The following MMP26 variants were observed in gnomAD, a reference collection of about 807,000 sequenced individuals.
MMP26 encodes matrix metalloproteinase-26.
Under a neutral mutation model 31.0 loss-of-function variants are expected in MMP26, and 33 were observed. That is an observed-to-expected ratio of 1.06 (90% confidence interval 0.81 to 1.42). MMP26 has a LOEUF of 1.42. Among genes scored for constraint, MMP26 ranks in the 40% most tolerant of loss-of-function variants. MMP26 has a pLI of 0.00. For synonymous variants in MMP26, 122 were observed against 114.9 expected (o/e 1.06, Z -0.40); for missense variants, 347 against 316.1 (o/e 1.10, Z -0.74).
intron 2 of MMP26, chr11:4,848,443 G>A (rs1395217084): frequency 1.9e-6 from 3 of 1,613,820 alleles, no homozygotes; most frequent in African/African-American, 1.3e-5. Context: ...TAGAAGAGGA[G>A]CACTGCAGAG....
intron 1 of MMP26, among the ~76,000 whole-genome samples, chr11:4,707,722 C>A (rs1221286202): frequency 6.6e-6 from 1 of 152,190 alleles, no homozygotes; most frequent in Non-Finnish European, 1.5e-5. Flanking sequence ...GAGGGGGCCA[C>A]ATATCGGGAA....
chr11:4,733,224 A>T (rs972664977), intron 1 of MMP26, among the ~76,000 whole-genome samples: 16 of 152,214 alleles, frequency 1.1e-4, no homozygotes, highest in Non-Finnish European at 1.3e-4. Context: ...ATTACATTAC[A>T]TTTGTAGACC....
intron 2 of MMP26, chr11:4,946,432 G>T: frequency 5.0e-6 from 8 of 1,609,944 alleles, no homozygotes; most frequent in Non-Finnish European, 6.8e-6. Flanking sequence ...GTACAGTCTT[G>T]AGGATCAGGG....
At chr11:4,822,061 C>A in intron 2 of MMP26, 1 of 1,613,700 alleles carries the variant, frequency 6.2e-7, no homozygotes, top group African/African-American at 1.3e-5. Flanking sequence ...GTTTGACTGC[C>A]CTTGCATCCT....
intron 2 of MMP26, among the ~76,000 whole-genome samples, chr11:4,911,712 T>G (rs1433143214): frequency 6.6e-6 from 1 of 152,178 alleles, no homozygotes; most frequent in African/African-American, 2.4e-5. Context: ...AAGCCCCTCT[T>G]TATAGAGGCC....
chr11:4,827,679 G>A (rs1415770872), intron 2 of MMP26, among the ~76,000 whole-genome samples: 4 of 151,788 alleles, frequency 2.6e-5, no homozygotes, highest in African/African-American at 9.7e-5. Flanking sequence ...AAAAGGAGAA[G>A]TAAGGGAAAG....
intron 1 of MMP26, among the ~76,000 whole-genome samples, chr11:4,741,079 G>A (rs1848305908): frequency 6.6e-6 from 1 of 152,130 alleles, no homozygotes; most frequent in African/African-American, 2.4e-5. Context: ...TTCATCCCGA[G>A]TTAATTTTTG....
chr11:4,822,790 A>G (rs912597395), intron 2 of MMP26, among the ~76,000 whole-genome samples: 2 of 152,156 alleles, frequency 1.3e-5, no homozygotes, highest in African/African-American at 4.8e-5. Context: ...ATTCCAAAAT[A>G]GAGATTCTAT....
chr11:4,792,307 G>C (rs1249432506), intron 2 of MMP26, among the ~76,000 whole-genome samples: 1 of 152,062 alleles, frequency 6.6e-6, no homozygotes, highest in African/African-American at 2.4e-5. Context: ...ATTTCCTTCG[G>C]AGGCAACTTC....
At chr11:4,966,459 T>C (rs1197235588) in intron 2 of MMP26, among the ~76,000 whole-genome samples, 1 of 152,088 alleles carries the variant, frequency 6.6e-6, no homozygotes, top group African/African-American at 2.4e-5. Flanking sequence ...AGTGATTAGA[T>C]ATGGAGGGTG....
intron 2 of MMP26, among the ~76,000 whole-genome samples, chr11:4,974,914 T>C (rs1046425593): frequency 2.0e-5 from 3 of 151,720 alleles, no homozygotes; most frequent in African/African-American, 7.3e-5. Context: ...AGAGAACACA[T>C]GGACACAGGG....
At chr11:4,919,346 C>T (rs973977570) in intron 2 of MMP26, 4 of 152,210 alleles carry the variant, frequency 2.6e-5, no homozygotes, top group African/African-American at 7.2e-5. Context: ...AAAATAAAGG[C>T]CATGAACGCT....
intron 1 of MMP26, among the ~76,000 whole-genome samples, chr11:4,717,601 A>T (rs187951860): frequency 2.2e-3 from 328 of 152,130 alleles, no homozygotes; most frequent in Non-Finnish European, 3.8e-3. Context: ...TAGATTTTGG[A>T]AAACAATGTG....
intron 1 of MMP26, among the ~76,000 whole-genome samples, chr11:4,740,956 A>G (rs1848304420): frequency 6.6e-6 from 1 of 152,118 alleles, no homozygotes; most frequent in African/African-American, 2.4e-5. Flanking sequence ...TTTTGTTGCA[A>G]TTGCTTTTGG....
chr11:4,773,419 A>T (rs1848751049), intron 2 of MMP26, among the ~76,000 whole-genome samples: 1 of 152,164 alleles, frequency 6.6e-6, no homozygotes, highest in Admixed American at 6.5e-5. Flanking sequence ...CAAGAAACTG[A>T]GTCCCTCAAC....
intron 2 of MMP26, among the ~76,000 whole-genome samples, chr11:4,928,521 T>G (rs1851304177): frequency 6.6e-6 from 1 of 152,186 alleles, no homozygotes; most frequent in African/African-American, 2.4e-5. Flanking sequence ...TGAAATGTAA[T>G]GGGTTTTCAG....
At chr11:4,859,396 T>C (rs554336279) in intron 2 of MMP26, among the ~76,000 whole-genome samples, 7 of 152,274 alleles carry the variant, frequency 4.6e-5, no homozygotes, top group African/African-American at 1.7e-4. Flanking sequence ...CTTAATAAAT[T>C]AGATTTTGTG....
At chr11:4,822,487 A>G in intron 2 of MMP26, 2 of 990,188 alleles carry the variant, frequency 2.0e-6, no homozygotes, top group East Asian at 2.9e-5. Flanking sequence ...TAAGCAATTT[A>G]TAGGTTATGT....
chr11:4,846,722 A>T (rs766659253), intron 2 of MMP26, among the ~76,000 whole-genome samples: 15 of 152,304 alleles, frequency 9.8e-5, no homozygotes, highest in Middle Eastern at 6.8e-3. Context: ...ATATTTATTA[A>T]AGTTAGTCAA....
Sources: allele counts gnomAD v4.1 joint callset (sites outside exome capture counted in the v4.1 genomes callset), GRCh38; gene constraint gnomAD v4.1.1; transcripts MANE v1.5; gene names NCBI Gene and HGNC (gene_info 2026-07-23, HGNC 2026-07-21).